Variants in CARM1 observed in about 807,000 individuals in gnomAD.
CARM1 encodes the protein histone-arginine methyltransferase CARM1.
In CARM1, 14 loss-of-function variants were observed where a neutral mutation model predicts 72.7. That is an observed-to-expected ratio of 0.19 (90% CI 0.13 to 0.30). The LOEUF (loss-of-function observed/expected upper bound fraction) is 0.30. Ranked by LOEUF, CARM1 falls within the 10% of genes least tolerant of loss-of-function variation. CARM1 has a pLI of 1.00. For missense variants in CARM1, 432 were observed against 833.7 expected (o/e 0.52, Z 5.93); for synonymous variants, 333 against 345.5 (o/e 0.96, Z 0.40).
chr19:10,899,094 A>G (rs1446761342), intron 1 of CARM1, among the ~76,000 whole-genome samples: 1 of 122,464 alleles, frequency 8.2e-6, no homozygotes, highest in African/African-American at 3.2e-5. Context: ...TGTGCCAGGG[A>G]CTAACTTGGG....
chr19:10,884,862 G>A (rs1424818801), intron 1 of CARM1, among the ~76,000 whole-genome samples: 3 of 152,056 alleles, frequency 2.0e-5, no homozygotes, highest in East Asian at 3.9e-4. Context: ...GTGCCACCAC[G>A]CCTGCCTAAT....
intron 1 of CARM1, among the ~76,000 whole-genome samples, chr19:10,897,184 G>A (rs1178438176): frequency 6.6e-6 from 1 of 152,140 alleles, no homozygotes; most frequent in African/African-American, 2.4e-5. Context: ...AGTCACCTCG[G>A]CCACTCTTGC....
Position 10,923,066 on chromosome 19 carries a change from T to G in CARM1, c.*1309T>G. 2.0e-6 allele frequency: 1 copy of G among 505,750 alleles called. No homozygotes were observed. Among genetic ancestry groups the G allele is most frequent in the Non-Finnish European group, 3.4e-6 (1 of 290,326 alleles). 31.3% of individuals were successfully genotyped at this position (505,750 alleles called of 1,614,324 possible). A position where few individuals can be genotyped will look rare whatever the true frequency, so the allele number is the denominator to read the frequency against. ...GCATAGAAAATAAAAGTGTTTGCTTTGTAAGAAAAGTCTGGAAAGTAGCAG... is the reference window on the plus strand; with the variant it reads ...GCATAGAAAATAAAAGTGTTTGCTTGGTAAGAAAAGTCTGGAAAGTAGCAG... On this transcript the variant is annotated 3_prime_UTR_variant, in exon 16 of 16. Coordinates refer to ENST00000327064, the MANE Select transcript of CARM1 (RefSeq NM_199141.2).
rs946460296 is a variant in CARM1 at position 10,916,256 on chromosome 19, C to T, written c.848-151C>T. The stretch of plus-strand genomic sequence containing the variant: ...GTGATGAAACACTGATCAGAATAGG[C>T]GCTCGGTGCCACTGTCACAGGAGTG... On this transcript the variant is annotated intron_variant, in intron 6 of 15. Coordinates refer to ENST00000327064, the MANE Select transcript of CARM1 (RefSeq NM_199141.2). The surrounding 1 kb of genome is among the most constrained non-coding windows in gnomAD (Gnocchi z 4.4). The T allele has an allele frequency of 1.1e-4, 67 of 606,724 alleles. No individual in the cohort carries two copies. In the East Asian group the frequency reaches 1.5e-3, roughly 14 times the overall value. The allele number at this position is 606,724 out of a possible 1,614,324, so 37.6% of individuals were successfully genotyped here.
intron 1 of CARM1, among the ~76,000 whole-genome samples, chr19:10,888,114 G>A (rs138163435): frequency 6.6e-6 from 1 of 152,168 alleles, no homozygotes; most frequent in Non-Finnish European, 1.5e-5. Context: ...CCTCCTGCTG[G>A]CCTAGTCCCC....
chr19:10,893,113 A>T (rs573574142), intron 1 of CARM1, among the ~76,000 whole-genome samples: 12 of 150,798 alleles, frequency 8.0e-5, no homozygotes, highest in African/African-American at 2.7e-4. Flanking sequence ...TTGGAGTGGA[A>T]TGCAACCTCT....
chr19:10,890,260 GTTTTGTTTGTT>G (rs1198292299), intron 1 of CARM1, among the ~76,000 whole-genome samples: 6 of 110,602 alleles, frequency 5.4e-5, no homozygotes, highest in African/African-American at 1.2e-4. Context: ...TTTGTTTTTT[GTTTTGTTTGTT>G]TTTTTTTTTT....
chr19:10,913,135 C>T (rs2074167006), intron 5 of CARM1, among the ~76,000 whole-genome samples: 2 of 151,856 alleles, frequency 1.3e-5, no homozygotes, highest in African/African-American at 4.8e-5. Flanking sequence ...GGGGGGGTCT[C>T]ACTCTGTTGC....
chr19:10,907,987 C>A, intron 2 of CARM1, 52 bp from the exon 3 acceptor site: 2 of 1,128,772 alleles, frequency 1.8e-6, no homozygotes, highest in Non-Finnish European at 2.7e-6. Context: ...TCCCAGATGG[C>A]CACATGCTGG....
intron 1 of CARM1, among the ~76,000 whole-genome samples, chr19:10,890,921 G>T (rs1472269144): frequency 6.7e-6 from 1 of 148,840 alleles, no homozygotes; most frequent in Non-Finnish European, 1.5e-5. Context: ...AGTGTGCTAT[G>T]ACTGGGCGGG....
At chr19:10,890,702 C>T (rs1243999419) in intron 1 of CARM1, among the ~76,000 whole-genome samples, 1 of 146,876 alleles carries the variant, frequency 6.8e-6, no homozygotes, top group Admixed American at 6.9e-5. Context: ...CATATATACA[C>T]ACACATATAT....
rs2073813755 is a variant in CARM1, at chr19:10,871,595, G to GGCGGCGGCGGCGGCGGCGGCT, written c.-88_-87insTGCGGCGGCGGCGGCGGCGGC. ...CTGCGGCGGCGGTAGCGGCAGCGGC[G>GGCGGCGGCGGCGGCGGCGGCT]GCGGCGGCGGCGGCGGCGGCGGCGG... On this transcript the variant is annotated 5_prime_UTR_variant, in exon 1 of 16. Transcript: ENST00000327064. The surrounding 1 kb of genome is among the most constrained non-coding windows in gnomAD (Gnocchi z 5.6). The GGCGGCGGCGGCGGCGGCGGCT allele has an allele frequency of 1.7e-5, 1 of 60,446 alleles. No individual in the cohort carries two copies. The highest frequency in any genetic ancestry group is 3.7e-5 in the Non-Finnish European group (1 of 27,394). 3.7% of individuals were successfully genotyped at this position (60,446 alleles called of 1,614,324 possible).
intron 1 of CARM1, among the ~76,000 whole-genome samples, chr19:10,894,716 GT>G (rs71164131): frequency 0.2 from 26,976 of 135,810 alleles, 3,016 homozygotes; most frequent in Middle Eastern, 0.31. Flanking sequence ...ACCTCCTTGT[GT>G]TTTTTTTTTT....
Position 10,913,907 on chromosome 19 carries a change from C to T in CARM1, c.700C>T (p.Arg234Cys), listed in dbSNP as rs777990900. Residue 234 changes from arginine (R) to cysteine (C), a missense_variant, in exon 6 of 16, where the codon CGC (arginine) becomes TGC (cysteine). Around this residue, in one of 3 missense-constraint regions of CARM1, gnomAD observed 152 missense variants for 452.8 expected, o/e 0.34. Transcript: ENST00000327064. Reference sequence around the variant, plus strand: ...GGTGAAGAGTAACAACCTGACGGACCGCATCGTGGTCATCCCGGGCAAGGT... The same window carrying T: ...GGTGAAGAGTAACAACCTGACGGACTGCATCGTGGTCATCCCGGGCAAGGT... ...VLVKSNNLTD[R>C]IVVIPGKVEE... The T allele has an allele frequency of 8.1e-6, 13 of 1,613,310 alleles. No homozygotes were observed. The highest frequency in any genetic ancestry group is 3.3e-5 in the South Asian group (3 of 91,080).
chr19:10,890,265 G>GTTTTTT (rs71164129), intron 1 of CARM1, among the ~76,000 whole-genome samples: 1 of 144,522 alleles, frequency 6.9e-6, no homozygotes, highest in Non-Finnish European at 1.5e-5. Flanking sequence ...TTTTTGTTTT[G>GTTTTTT]TTTGTTTTTT....
chr19:10,891,845 G>A (rs539587603), intron 1 of CARM1, among the ~76,000 whole-genome samples: 12 of 152,326 alleles, frequency 7.9e-5, no homozygotes, highest in African/African-American at 2.2e-4. Context: ...AAGCGCGCAC[G>A]CATAAATCTC....
chr19:10,921,015 G>T, intron 13 of CARM1, 35 bp from the exon 14 acceptor site: 1 of 1,613,420 alleles, frequency 6.2e-7, no homozygotes. Flanking sequence ...TGGCCCCTCT[G>T]CCTCCAGCCC....
intron 4 of CARM1, among the ~76,000 whole-genome samples, chr19:10,910,966 C>T (rs2074145887): frequency 6.6e-6 from 1 of 152,208 alleles, no homozygotes; most frequent in South Asian, 2.1e-4. Flanking sequence ...TCTCAGCTCA[C>T]TGCAGCCTCT....
At chr19:10,886,347 C>A (rs1210279750) in intron 1 of CARM1, among the ~76,000 whole-genome samples, 3 of 151,890 alleles carry the variant, frequency 2.0e-5, no homozygotes, top group African/African-American at 7.3e-5. Flanking sequence ...GCGTGAGCCA[C>A]CGTGCCCGGC....
Sources: gnomAD v4.1 joint callset for allele counts (sites outside exome capture counted in the v4.1 genomes callset) on GRCh38, gnomAD v4.1.1 for gene constraint, gnomAD v4.1.1 regional missense constraint, Gnocchi (gnomAD v3.1) non-coding constraint, MANE v1.5 for transcripts, NCBI Gene and HGNC (gene_info 2026-07-23, HGNC 2026-07-21) for gene names.